NARS2: variants seen among roughly 807,000 people sequenced by gnomAD.
NARS2 encodes the protein asparaginyl-tRNA synthetase.
Under a neutral mutation model 62.9 loss-of-function variants are expected in NARS2, and 60 were observed. The observed-to-expected ratio is 0.95, with a 90% CI of 0.77 to 1.18. The LOEUF (loss-of-function observed/expected upper bound fraction) is 1.18, where lower values mean the gene tolerates loss of function less well. Among genes scored for constraint, NARS2 ranks in the 50% most tolerant of loss-of-function variants. The probability of loss-of-function intolerance (pLI) is 0.00; values close to 1 mark genes in which losing one functional copy is unlikely to be tolerated. For missense variants in NARS2, 619 were observed against 576.4 expected (o/e 1.07, Z -0.76); for synonymous variants, 196 against 200.0 (o/e 0.98, Z 0.17).
chr11:78,482,190 C>A (rs1277581582), intron 7 of NARS2, among the ~76,000 whole-genome samples: 1 of 152,104 alleles, frequency 6.6e-6, no homozygotes, highest in Non-Finnish European at 1.5e-5. Flanking sequence ...AAATTGACTA[C>A]AACCTATCTC....
At chr11:78,468,122 G>A (rs1050500637) in intron 10 of NARS2, among the ~76,000 whole-genome samples, 5 of 150,956 alleles carry the variant, frequency 3.3e-5, no homozygotes, top group Admixed American at 1.3e-4. Context: ...CTGAAGTGGC[G>A]GATCCCTTGA....
chr11:78,551,841 G>C (rs1273874904), intron 5 of NARS2, among the ~76,000 whole-genome samples: 2 of 151,038 alleles, frequency 1.3e-5, no homozygotes, highest in Non-Finnish European at 2.9e-5. Context: ...ACAAGAGCGA[G>C]ACTTTGTCTC....
chr11:78,442,476 T>C (rs1169032698), intron 12 of NARS2, among the ~76,000 whole-genome samples: 1 of 152,182 alleles, frequency 6.6e-6, no homozygotes, highest in Non-Finnish European at 1.5e-5. Flanking sequence ...TGAAAAAGCA[T>C]CAACTTTTAA....
At chr11:78,498,033 G>A (rs1370496846) in intron 6 of NARS2, among the ~76,000 whole-genome samples, 1 of 152,138 alleles carries the variant, frequency 6.6e-6, no homozygotes, top group Non-Finnish European at 1.5e-5. Context: ...GCTAAAGGGG[G>A]AGGAAGGTTA....
chr11:78,491,131 C>G (rs922510339), intron 7 of NARS2, among the ~76,000 whole-genome samples: 4 of 152,242 alleles, frequency 2.6e-5, no homozygotes, highest in African/African-American at 7.2e-5. Flanking sequence ...TGAATCCCTA[C>G]AGTCCAGAAT....
intron 11 of NARS2, among the ~76,000 whole-genome samples, chr11:78,455,028 T>C (rs1439168019): frequency 6.6e-6 from 1 of 152,230 alleles, no homozygotes; most frequent in Non-Finnish European, 1.5e-5. Context: ...TTTCTTTCTC[T>C]CCATTTTCAC....
chr11:78,453,699 A>G (rs1858052856), intron 11 of NARS2, among the ~76,000 whole-genome samples: 1 of 152,248 alleles, frequency 6.6e-6, no homozygotes, highest in Admixed American at 6.5e-5. Context: ...AATGTTCCAC[A>G]AACCATAGGA....
intron 6 of NARS2, among the ~76,000 whole-genome samples, chr11:78,510,293 T>C (rs1188909957): frequency 6.6e-6 from 1 of 152,106 alleles, no homozygotes; most frequent in Non-Finnish European, 1.5e-5. Flanking sequence ...AAAAAAATTT[T>C]CCATGCAAAT....
At chr11:78,525,339 C>T (rs1252031015) in intron 6 of NARS2, among the ~76,000 whole-genome samples, 1 of 151,730 alleles carries the variant, frequency 6.6e-6, no homozygotes, top group Admixed American at 6.6e-5. Context: ...AAAATAAAAA[C>T]AAATAAAGGT....
At chr11:78,485,237 G>A (rs1859520141) in intron 7 of NARS2, among the ~76,000 whole-genome samples, 1 of 152,096 alleles carries the variant, frequency 6.6e-6, no homozygotes, top group Admixed American at 6.5e-5. Context: ...GCCTATTGGG[G>A]GATGGGGGAC....
intron 7 of NARS2, among the ~76,000 whole-genome samples, chr11:78,484,029 T>C (rs181489677): frequency 4.2e-3 from 632 of 152,288 alleles, no homozygotes; most frequent in Non-Finnish European, 7.6e-3. Context: ...ATGGTACTGT[T>C]ACCAAAACAG....
chr11:78,471,738 T>C (rs560450718), intron 9 of NARS2, among the ~76,000 whole-genome samples: 44 of 134,366 alleles, frequency 3.3e-4, no homozygotes, highest in Middle Eastern at 8.5e-3. Context: ...CCTGTGTCCA[T>C]GTGATCTCAT....
chr11:78,493,553 G>A (rs1384268258), intron 6 of NARS2, among the ~76,000 whole-genome samples: 2 of 152,082 alleles, frequency 1.3e-5, no homozygotes, highest in Admixed American at 6.6e-5. Flanking sequence ...AGCTACTTGG[G>A]AGGCTGAGGC....
intron 5 of NARS2, among the ~76,000 whole-genome samples, chr11:78,529,323 A>T (rs1471462069): frequency 1.3e-5 from 2 of 152,248 alleles, no homozygotes; most frequent in Admixed American, 1.3e-4. Context: ...ATCTCAAGAG[A>T]ATAGCCTCTG....
chr11:78,560,468 T>C (rs1719743227), intron 4 of NARS2, among the ~76,000 whole-genome samples: 1 of 152,192 alleles, frequency 6.6e-6, no homozygotes, highest in Admixed American at 6.5e-5. Context: ...GTTTGCAGGG[T>C]GGGACTGCAG....
intron 7 of NARS2, among the ~76,000 whole-genome samples, chr11:78,485,792 GA>G: frequency 6.6e-6 from 1 of 152,314 alleles, no homozygotes; most frequent in East Asian, 1.9e-4. Flanking sequence ...AAAACACCAA[GA>G]GAAGACCTAC....
chr11:78,572,661 A>G (rs1856972016), intron 1 of NARS2, among the ~76,000 whole-genome samples: 1 of 152,188 alleles, frequency 6.6e-6, no homozygotes, highest in African/African-American at 2.4e-5. Flanking sequence ...TCCTATTGCT[A>G]AAATTATTTG....
At chr11:78,455,540 T>C (rs1025589527) in intron 11 of NARS2, among the ~76,000 whole-genome samples, 1 of 152,150 alleles carries the variant, frequency 6.6e-6, no homozygotes, top group Non-Finnish European at 1.5e-5. Flanking sequence ...TTTTAGTTAC[T>C]ACCCCTACCA....
At chr11:78,538,205 C>T (rs1022282978) in intron 5 of NARS2, among the ~76,000 whole-genome samples, 7 of 152,164 alleles carry the variant, frequency 4.6e-5, no homozygotes, top group Non-Finnish European at 8.8e-5. Context: ...TTTAGGACCA[C>T]AGCACAATAC....
Sources: allele counts gnomAD v4.1 joint callset (sites outside exome capture counted in the v4.1 genomes callset), GRCh38; gene constraint gnomAD v4.1.1; transcripts MANE v1.5; gene names NCBI Gene and HGNC (gene_info 2026-07-23, HGNC 2026-07-21).